The following TEAD1 variants were observed in gnomAD, a reference collection of about 807,000 sequenced individuals.
TEAD1 encodes transcriptional enhancer factor TEF-1.
A neutral mutation model predicts 54.9 loss-of-function variants in TEAD1; 9 were observed. The ratio of observed to expected loss-of-function variants is 0.16; its 90% CI spans 0.10 to 0.29. TEAD1 has a LOEUF of 0.29. TEAD1 is among the 10% of genes least tolerant of loss of function. TEAD1 has a pLI of 1.00. For missense variants in TEAD1, 387 were observed against 535.9 expected (o/e 0.72, Z 2.74); for synonymous variants, 200 against 187.8 (o/e 1.07, Z -0.53).
At chr11:12,731,253 T>A (rs4501965) in intron 2 of TEAD1, among the ~76,000 whole-genome samples, 7,634 of 152,272 alleles carry the variant, frequency 0.05, 667 homozygotes, top group African/African-American at 0.18. Flanking sequence ...ATAATTTTTC[T>A]TATCAGATTT....
chr11:12,681,522 C>G lies in TEAD1; in HGVS notation c.-55+5961C>G, dbSNP rs1489075858. On this transcript the variant is annotated intron_variant, in intron 2 of 12. Coordinates refer to ENST00000527636, the MANE Select transcript of TEAD1 (RefSeq NM_021961.6). ...TGGAAAATGCTTCCAGAACACCACTCAAGTGTCCAGTGAAGCTGAAGCAAA... is the reference window on the plus strand; with the variant it reads ...TGGAAAATGCTTCCAGAACACCACTGAAGTGTCCAGTGAAGCTGAAGCAAA... 2.6e-5 allele frequency among the ~76,000 whole-genome samples: 4 copies of G among 152,248 alleles called. No homozygotes were observed. The East Asian group carries it at 5.8e-4, about 22-fold the overall frequency.
intron 3 of TEAD1, among the ~76,000 whole-genome samples, chr11:12,780,374 A>C: frequency 6.6e-6 from 1 of 151,584 alleles, no homozygotes; most frequent in East Asian, 1.9e-4. Context: ...CTCCCGAGTA[A>C]CTGGGATTAC....
At chr11:12,820,135 G>A (rs547893965) in intron 3 of TEAD1, among the ~76,000 whole-genome samples, 1 of 152,292 alleles carries the variant, frequency 6.6e-6, no homozygotes, top group East Asian at 1.9e-4. Flanking sequence ...TCAGTGCAGA[G>A]CCACACAGCA....
intron 2 of TEAD1, among the ~76,000 whole-genome samples, chr11:12,709,183 C>G (rs1286494125): frequency 1.3e-5 from 2 of 151,992 alleles, no homozygotes; most frequent in Admixed American, 1.3e-4. Flanking sequence ...ACTAAAAATA[C>G]AAAAATTGGT....
Position 12,697,749 on chromosome 11 carries a change from C to T in TEAD1, c.-55+22188C>T, listed in dbSNP as rs573144441. On this transcript the variant is annotated intron_variant, in intron 2 of 12. Coordinates refer to ENST00000527636, the MANE Select transcript of TEAD1 (RefSeq NM_021961.6). ...AAAGTTCTCAGAATAGAGGGCTGGGCGTGGTGGCTCACGCCTGTAATCCCA... is the reference window on the plus strand; with the variant it reads ...AAAGTTCTCAGAATAGAGGGCTGGGTGTGGTGGCTCACGCCTGTAATCCCA... Among the ~76,000 whole-genome samples the T allele has an allele frequency of 6.6e-4, 100 of 152,268 alleles. 1 individual carries two copies. In the Middle Eastern group the frequency reaches 0.01, roughly 16 times the overall value.
At chr11:12,779,020 A>C (rs78003968) in intron 3 of TEAD1, among the ~76,000 whole-genome samples, 255 of 152,324 alleles carry the variant, frequency 1.7e-3, no homozygotes, top group African/African-American at 5.9e-3. Context: ...ATAATCCTAG[A>C]AAAGTTAGTC....
At chr11:12,911,026 C>T (rs1242597787) in intron 10 of TEAD1, among the ~76,000 whole-genome samples, 1 of 152,128 alleles carries the variant, frequency 6.6e-6, no homozygotes, top group Non-Finnish European at 1.5e-5. Flanking sequence ...GGATTACAGG[C>T]GTGAGCCACC....
At chr11:12,884,678 A>T (rs918643698) in intron 9 of TEAD1, among the ~76,000 whole-genome samples, 5 of 152,214 alleles carry the variant, frequency 3.3e-5, no homozygotes, top group African/African-American at 1.2e-4. Context: ...ATTAGGGGGA[A>T]AAATGAGGGA....
chr11:12,750,731 G>T (rs1944853862), intron 2 of TEAD1, among the ~76,000 whole-genome samples: 1 of 152,070 alleles, frequency 6.6e-6, no homozygotes, highest in African/African-American at 2.4e-5. Flanking sequence ...CTACTTTCTT[G>T]CTTGGCTCTC....
chr11:12,723,699 G>A (rs534042323), intron 2 of TEAD1, among the ~76,000 whole-genome samples: 1 of 152,224 alleles, frequency 6.6e-6, no homozygotes, highest in Non-Finnish European at 1.5e-5. Flanking sequence ...TCAGCTTTTA[G>A]TCATGCTCCT....
chr11:12,692,712 G>C (rs1354397096), intron 2 of TEAD1, among the ~76,000 whole-genome samples: 2 of 152,136 alleles, frequency 1.3e-5, no homozygotes, highest in Admixed American at 1.3e-4. Context: ...TTTTCATTAT[G>C]GTCCTGTGGC....
intron 3 of TEAD1, among the ~76,000 whole-genome samples, chr11:12,833,241 G>A (rs950046771): frequency 2.0e-5 from 3 of 152,128 alleles, no homozygotes; most frequent in African/African-American, 7.2e-5. Context: ...ATGACAAAAT[G>A]TCTATATTTT....
At chr11:12,910,643 TATG>T (rs1948599374) in intron 10 of TEAD1, among the ~76,000 whole-genome samples, 1 of 152,202 alleles carries the variant, frequency 6.6e-6, no homozygotes. Context: ...AACCAGGATA[TATG>T]ATGTTATCCT....
intron 2 of TEAD1, among the ~76,000 whole-genome samples, chr11:12,710,042 G>A (rs1437871951): frequency 6.6e-6 from 1 of 151,472 alleles, no homozygotes; most frequent in Admixed American, 6.6e-5. Context: ...AAATGGAATT[G>A]TAGGCCAGGC....
chr11:12,856,867 G>A (rs1364226202), intron 3 of TEAD1, among the ~76,000 whole-genome samples: 2 of 152,134 alleles, frequency 1.3e-5, no homozygotes, highest in African/African-American at 4.8e-5. Flanking sequence ...CATTGCATTT[G>A]TTGCTTCTTT....
intron 2 of TEAD1, among the ~76,000 whole-genome samples, chr11:12,738,179 G>T (rs1047119013): frequency 3.9e-5 from 6 of 152,114 alleles, no homozygotes; most frequent in African/African-American, 1.4e-4. Flanking sequence ...ATATCAGATG[G>T]TTAAGTAATT....
intron 2 of TEAD1, among the ~76,000 whole-genome samples, chr11:12,753,642 GAT>G (rs1380793545): frequency 6.6e-6 from 1 of 152,126 alleles, no homozygotes; most frequent in Non-Finnish European, 1.5e-5. Flanking sequence ...TAGGATGAAG[GAT>G]ATGAGTCTCT....
intron 5 of TEAD1, among the ~76,000 whole-genome samples, chr11:12,875,170 T>G (rs1043586120): frequency 3.3e-5 from 5 of 152,218 alleles, no homozygotes; most frequent in Admixed American, 1.3e-4. Flanking sequence ...ATTAGTGTGG[T>G]GTACAAATGT....
intron 2 of TEAD1, among the ~76,000 whole-genome samples, chr11:12,752,387 C>T (rs1590115096): frequency 6.6e-6 from 1 of 152,020 alleles, no homozygotes; most frequent in East Asian, 1.9e-4. Flanking sequence ...ACTGACATGA[C>T]CAGAACCTCC....
Sources: allele counts gnomAD v4.1 joint callset (sites outside exome capture counted in the v4.1 genomes callset), GRCh38; gene constraint gnomAD v4.1.1; transcripts MANE v1.5; gene names NCBI Gene and HGNC (gene_info 2026-07-23, HGNC 2026-07-21).